PHACTR1: variants seen among roughly 807,000 people sequenced by gnomAD.
PHACTR1 encodes the protein phosphatase and actin regulator 1.
Under a neutral mutation model 69.2 loss-of-function variants are expected in PHACTR1, and 16 were observed. That is an observed-to-expected ratio of 0.23 (90% confidence interval 0.16 to 0.35). The LOEUF is 0.35. PHACTR1 is among the 10% of genes least tolerant of loss of function. PHACTR1 has a pLI of 1.00. For missense variants in PHACTR1, 510 were observed against 734.7 expected (o/e 0.69, Z 3.54); for synonymous variants, 312 against 284.5 (o/e 1.10, Z -0.97).
At chr6:12,959,201 GAA>G (rs67449659) in intron 4 of PHACTR1, among the ~76,000 whole-genome samples, 6,467 of 117,876 alleles carry the variant, frequency 0.055, 323 homozygotes, top group Non-Finnish European at 0.076. Flanking sequence ...AAAAAGAAAA[GAA>G]AAAAAAAAGA....
intron 8 of PHACTR1, among the ~76,000 whole-genome samples, chr6:13,224,748 C>T (rs1352012329): frequency 6.6e-6 from 1 of 152,170 alleles, no homozygotes; most frequent in Non-Finnish European, 1.5e-5. Context: ...TTTTCATTTG[C>T]ATCACTCCTA....
chr6:12,790,854 G>A (rs1334789944), intron 4 of PHACTR1, among the ~76,000 whole-genome samples: 1 of 152,178 alleles, frequency 6.6e-6, no homozygotes, highest in Non-Finnish European at 1.5e-5. Flanking sequence ...TTGGTCACCT[G>A]CCTGATCCTT....
chr6:12,844,887 T>C (rs192058486), intron 4 of PHACTR1, among the ~76,000 whole-genome samples: 1 of 152,138 alleles, frequency 6.6e-6, no homozygotes, highest in East Asian at 1.9e-4. Flanking sequence ...CCCCTCTGCT[T>C]AGCCCTCTAG....
At chr6:13,009,836 G>C (rs1329327075) in intron 4 of PHACTR1, among the ~76,000 whole-genome samples, 1 of 149,876 alleles carries the variant, frequency 6.7e-6, no homozygotes, top group South Asian at 2.1e-4. Flanking sequence ...CTCCTAGTCT[G>C]CGAGCTTGCA....
chr6:12,804,959 C>T (rs2127684066), intron 4 of PHACTR1, among the ~76,000 whole-genome samples: 1 of 152,276 alleles, frequency 6.6e-6, no homozygotes, highest in East Asian at 1.9e-4. Context: ...ATTACCACTA[C>T]AAAATTATAC....
At chr6:12,994,527 A>G (rs1388178075) in intron 4 of PHACTR1, among the ~76,000 whole-genome samples, 1 of 152,214 alleles carries the variant, frequency 6.6e-6, no homozygotes, top group Non-Finnish European at 1.5e-5. Context: ...GGAAAAATGA[A>G]AAGTTGTTTA....
At chr6:12,863,832 T>TTG (rs1465566903) in intron 4 of PHACTR1, among the ~76,000 whole-genome samples, 2 of 152,002 alleles carry the variant, frequency 1.3e-5, no homozygotes, top group East Asian at 3.8e-4. Context: ...CAGGTGATTT[T>TTG]TGTGTGTGTG....
intron 3 of PHACTR1, among the ~76,000 whole-genome samples, chr6:12,729,611 T>C (rs1763230916): frequency 6.6e-6 from 1 of 152,128 alleles, no homozygotes; most frequent in African/African-American, 2.4e-5. Context: ...GGCTGTGCCA[T>C]GCCAGACCAA....
chr6:12,718,097 T>C (rs1269519168), intron 2 of PHACTR1, among the ~76,000 whole-genome samples: 2 of 152,146 alleles, frequency 1.3e-5, no homozygotes, highest in African/African-American at 4.8e-5. Context: ...AAACCACAAT[T>C]GTTTCTCAAA....
chr6:12,839,940 CAG>C (rs1384669311), intron 4 of PHACTR1, among the ~76,000 whole-genome samples: 1 of 151,948 alleles, frequency 6.6e-6, no homozygotes, highest in African/African-American at 2.4e-5. Flanking sequence ...TTTATTTATT[CAG>C]AGAGTACTCC....
chr6:12,939,108 C>A (rs1222221017), intron 4 of PHACTR1, among the ~76,000 whole-genome samples: 1 of 152,178 alleles, frequency 6.6e-6, no homozygotes, highest in Non-Finnish European at 1.5e-5. Flanking sequence ...CATATAGATG[C>A]TGTATTGTGT....
At chr6:13,057,985 G>A (rs913640381) in intron 5 of PHACTR1, among the ~76,000 whole-genome samples, 2 of 152,130 alleles carry the variant, frequency 1.3e-5, no homozygotes. Context: ...GGAATGGATG[G>A]AACATAAAAT....
At chr6:12,878,955 C>G (rs964935682) in intron 4 of PHACTR1, among the ~76,000 whole-genome samples, 2 of 152,182 alleles carry the variant, frequency 1.3e-5, no homozygotes, top group East Asian at 1.9e-4. Context: ...TTTAAAATTT[C>G]ACCTGTGCCT....
chr6:13,242,469 C>A (rs1772993509), intron 10 of PHACTR1, among the ~76,000 whole-genome samples: 1 of 152,164 alleles, frequency 6.6e-6, no homozygotes, highest in African/African-American at 2.4e-5. Context: ...AGACTTTCCA[C>A]AATTAGCAGT....
intron 3 of PHACTR1, among the ~76,000 whole-genome samples, chr6:12,724,555 CA>C (rs1762542412): frequency 6.6e-6 from 1 of 152,168 alleles, no homozygotes; most frequent in Non-Finnish European, 1.5e-5. Context: ...TATCCATCTC[CA>C]AAGCCCAAGC....
intron 5 of PHACTR1, among the ~76,000 whole-genome samples, chr6:13,141,624 T>C (rs762646744): frequency 1.3e-5 from 2 of 152,010 alleles, no homozygotes. Flanking sequence ...TGGCGTTCTG[T>C]AAGATCAAGA....
chr6:12,994,797 T>C (rs1411704609), intron 4 of PHACTR1, among the ~76,000 whole-genome samples: 2 of 152,114 alleles, frequency 1.3e-5, no homozygotes, highest in African/African-American at 4.8e-5. Context: ...AAAAAACAGT[T>C]GGAAATTGTT....
chr6:13,206,028 G>A lies in PHACTR1; in HGVS notation c.878G>A (p.Gly293Asp), dbSNP rs1303487162. Residue 293 changes from glycine to aspartate, a missense_variant, in exon 8 of 15, where the codon GGC becomes GAC. This residue lies in a region of PHACTR1 where 419 missense variants were observed against 530.9 expected (regional missense o/e 0.79). Transcript: ENST00000332995. The stretch of plus-strand genomic sequence containing the variant: ...CACCAGCTGCAGTACGGCAGCCACG[G>A]CCAGCACCTCCCCTCCACCACCGGC... Reference protein sequence around the residue: ...IQHQLQYGSHGQHLPSTTGSL... With the variant: ...IQHQLQYGSHDQHLPSTTGSL... 6.2e-7 allele frequency: 1 copy of A among 1,613,774 alleles called. No homozygotes were observed. The highest frequency in any genetic ancestry group is 1.3e-5 in the African/African-American group (1 of 74,900).
At chr6:12,987,649 C>A (rs1796343679) in intron 4 of PHACTR1, among the ~76,000 whole-genome samples, 1 of 152,104 alleles carries the variant, frequency 6.6e-6, no homozygotes, top group Non-Finnish European at 1.5e-5. Flanking sequence ...GCAAATAAAG[C>A]TCATTCAGCA....
Sources: allele counts gnomAD v4.1 joint callset (sites outside exome capture counted in the v4.1 genomes callset), GRCh38; gene constraint gnomAD v4.1.1; regional missense constraint gnomAD v4.1.1; transcripts MANE v1.5; gene names NCBI Gene and HGNC (gene_info 2026-07-23, HGNC 2026-07-21).